The following GRM1 variants were observed in gnomAD, a reference collection of about 807,000 sequenced individuals.
GRM1 encodes the protein metabotropic glutamate receptor 1.
Under a neutral mutation model 90.9 loss-of-function variants are expected in GRM1, and 33 were observed. That is an observed-to-expected ratio of 0.36 (90% CI 0.28 to 0.49). The LOEUF (loss-of-function observed/expected upper bound fraction) is 0.49, where lower values mean the gene tolerates loss of function less well. GRM1 is among the 20% of genes least tolerant of loss of function. The probability of loss-of-function intolerance (pLI) is 0.99; values close to 1 mark genes in which losing one functional copy is unlikely to be tolerated. For missense variants in GRM1, 1,190 were observed against 1,534.3 expected, an observed-to-expected ratio of 0.78 and a Z score of 3.75; for synonymous variants, 700 against 613.2, an observed-to-expected ratio of 1.14 and a Z score of -2.09.
At chr6:146,097,158 T>C (rs539616214) in intron 1 of GRM1, among the ~76,000 whole-genome samples, 1 of 152,266 alleles carries the variant, frequency 6.6e-6, no homozygotes, top group Non-Finnish European at 1.5e-5. Flanking sequence ...ATATAATAAA[T>C]TAAATTTTAG....
rs1202306509 is a variant in GRM1 at position 146,117,031 on chromosome 6, T to A, written c.701-42317T>A. ...AAGTTTGACAATATTTTTAATTTTT[T>A]AAAGTCTTCTATTGGTTTTATTTTT... On this transcript the variant is annotated intron_variant, in intron 1 of 7. Coordinates refer to ENST00000282753, the MANE Select transcript of GRM1 (RefSeq NM_001278064.2). Among the ~76,000 whole-genome samples the A allele has an allele frequency of 2.6e-5, 4 of 151,796 alleles. 1 individual carries two copies. Among genetic ancestry groups the A allele is most frequent in the Non-Finnish European group, 4.4e-5 (3 of 67,844 alleles).
chr6:146,372,095 C>T (rs1245966277), intron 5 of GRM1, among the ~76,000 whole-genome samples: 4 of 152,192 alleles, frequency 2.6e-5, no homozygotes, highest in South Asian at 4.1e-4. Flanking sequence ...ACAAGGATTC[C>T]GTTTTCTTCT....
At chr6:146,358,839 A>G (rs1192425550) in intron 5 of GRM1, among the ~76,000 whole-genome samples, 3 of 152,230 alleles carry the variant, frequency 2.0e-5, no homozygotes, top group Non-Finnish European at 4.4e-5. Flanking sequence ...AGCCACTTGG[A>G]CAAAGAAAGA....
chr6:146,170,611 C>T (rs1383227079), intron 2 of GRM1, among the ~76,000 whole-genome samples: 1 of 152,006 alleles, frequency 6.6e-6, no homozygotes, highest in East Asian at 1.9e-4. Context: ...TAATTTTGGT[C>T]CTTGTTTTTT....
At chr6:146,226,465 A>C (rs192761770) in intron 2 of GRM1, among the ~76,000 whole-genome samples, 1 of 152,126 alleles carries the variant, frequency 6.6e-6, no homozygotes, top group East Asian at 1.9e-4. Flanking sequence ...GAGCAAGTAA[A>C]CTCCCTTTGT....
intron 7 of GRM1, among the ~76,000 whole-genome samples, chr6:146,425,058 T>G (rs1006317552): frequency 6.6e-6 from 1 of 152,198 alleles, no homozygotes; most frequent in African/African-American, 2.4e-5. Flanking sequence ...GCAGTAATAA[T>G]GAAGTTACAC....
intron 3 of GRM1, among the ~76,000 whole-genome samples, chr6:146,328,121 T>A (rs76173020): frequency 0.021 from 3,165 of 152,288 alleles, 57 homozygotes; most frequent in Middle Eastern, 0.034. Flanking sequence ...TTGCCAAAAG[T>A]TTGAAGCTAC....
chr6:146,337,783 T>A (rs1413700923), intron 3 of GRM1, among the ~76,000 whole-genome samples: 1 of 152,228 alleles, frequency 6.6e-6, no homozygotes, highest in East Asian at 1.9e-4. Context: ...GTTATCATTA[T>A]AATTTTAAAA....
chr6:146,363,208 T>C (rs362849), intron 5 of GRM1, among the ~76,000 whole-genome samples: 29,733 of 152,130 alleles, frequency 0.2, 3,829 homozygotes, highest in African/African-American at 0.37. Flanking sequence ...TTGATTAAAA[T>C]GTAGCCAAGT....
At chr6:146,123,139 G>C (rs1471154489) in intron 1 of GRM1, among the ~76,000 whole-genome samples, 1 of 151,934 alleles carries the variant, frequency 6.6e-6, no homozygotes, top group African/African-American at 2.4e-5. Context: ...CACCGTGCCC[G>C]GCCTGTGATT....
At chr6:146,298,040 C>T (rs1783243638) in intron 2 of GRM1, among the ~76,000 whole-genome samples, 1 of 152,170 alleles carries the variant, frequency 6.6e-6, no homozygotes, top group Non-Finnish European at 1.5e-5. Flanking sequence ...TGCAATGACA[C>T]TGCAACCCAA....
intron 5 of GRM1, among the ~76,000 whole-genome samples, chr6:146,382,185 T>G (rs1196478626): frequency 1.3e-5 from 2 of 152,128 alleles, no homozygotes; most frequent in Non-Finnish European, 2.9e-5. Context: ...TGACAAAAAT[T>G]AAACACTTAT....
intron 1 of GRM1, among the ~76,000 whole-genome samples, chr6:146,104,226 G>T (rs1777146800): frequency 6.6e-6 from 1 of 152,276 alleles, no homozygotes; most frequent in Non-Finnish European, 1.5e-5. Context: ...GGATCACGAG[G>T]TCAGGAGATT....
chr6:146,383,908 A>G (rs1776406093), intron 5 of GRM1, among the ~76,000 whole-genome samples: 1 of 152,166 alleles, frequency 6.6e-6, no homozygotes, highest in South Asian at 2.1e-4. Context: ...TTGACAAAAT[A>G]TACAAAACAA....
intron 1 of GRM1, among the ~76,000 whole-genome samples, chr6:146,149,289 T>C (rs1777228490): frequency 6.6e-6 from 1 of 152,114 alleles, no homozygotes; most frequent in African/African-American, 2.4e-5. Flanking sequence ...TGGCAGAAAG[T>C]CATGGACACA....
Position 146,434,643 on chromosome 6 carries a change from G to A in GRM1, c.3432G>A (p.Ala1144=), listed in dbSNP as rs769875332. The A allele has an allele frequency of 2.5e-6, 4 of 1,610,708 alleles. No individual in the cohort carries two copies. The highest frequency in any genetic ancestry group is 3.4e-6 in the Non-Finnish European group (4 of 1,180,014). ...ASKLTPDDSP[A]LTPPSPFRDS... ...AACTGACCCCGGATGATTCGCCTGC[G>A]CTGACGCCTCCGTCGCCTTTCCGCG... Residue 1144 remains alanine (A), a synonymous_variant, in exon 8 of 8, where the codon GCG becomes GCA. Transcript: ENST00000282753.
chr6:146,302,441 G>T (rs1009241098), intron 2 of GRM1, among the ~76,000 whole-genome samples: 1 of 151,104 alleles, frequency 6.6e-6, no homozygotes, highest in African/African-American at 2.4e-5. Flanking sequence ...GCAAGATCAT[G>T]ACTCACTGCA....
intron 1 of GRM1, among the ~76,000 whole-genome samples, chr6:146,128,739 C>A (rs574111768): frequency 2.0e-5 from 3 of 152,082 alleles, no homozygotes; most frequent in Non-Finnish European, 4.4e-5. Flanking sequence ...ATTAATATAA[C>A]AAATAATATT....
intron 1 of GRM1, among the ~76,000 whole-genome samples, chr6:146,120,456 C>G (rs1260058645): frequency 6.6e-6 from 1 of 152,068 alleles, no homozygotes; most frequent in Non-Finnish European, 1.5e-5. Flanking sequence ...TTGCCCTGGC[C>G]AGAACTTCCA....
Sources: gnomAD v4.1 joint callset for allele counts (sites outside exome capture counted in the v4.1 genomes callset) on GRCh38, gnomAD v4.1.1 for gene constraint, MANE v1.5 for transcripts, NCBI Gene and HGNC (gene_info 2026-07-23, HGNC 2026-07-21) for gene names.